Variants in TM7SF3 observed in about 807,000 individuals in gnomAD.
TM7SF3 encodes the protein seven span transmembrane protein.
Under a neutral mutation model 65.5 loss-of-function variants are expected in TM7SF3, and 60 were observed. The ratio of observed to expected loss-of-function variants is 0.92; its 90% confidence interval spans 0.74 to 1.14. The LOEUF is 1.14. TM7SF3 is among the 50% of genes most tolerant of loss of function. TM7SF3 has a pLI of 0.00. For missense variants in TM7SF3, 623 were observed against 684.8 expected (o/e 0.91, Z 1.01); for synonymous variants, 264 against 259.6 (o/e 1.02, Z -0.16).
At chr12:26,994,249 T>C (rs921781434) in intron 5 of TM7SF3, among the ~76,000 whole-genome samples, 1 of 152,298 alleles carries the variant, frequency 6.6e-6, no homozygotes, top group Non-Finnish European at 1.5e-5. Flanking sequence ...ACTCCACCCA[T>C]CAACCATTAG....
At chr12:26,998,236 G>A (rs1206271310) in intron 3 of TM7SF3, among the ~76,000 whole-genome samples, 1 of 152,064 alleles carries the variant, frequency 6.6e-6, no homozygotes, top group African/African-American at 2.4e-5. Context: ...CAGAAACAGT[G>A]CCTGACACAT....
intron 11 of TM7SF3, 66 bp from the exon 12 acceptor site, chr12:26,974,293 C>A: frequency 6.7e-7 from 1 of 1,500,330 alleles, no homozygotes; most frequent in Non-Finnish European, 9.0e-7. Context: ...AATAATACAA[C>A]CCTTCATGGA....
At chr12:26,997,457 T>C (rs543032312) in intron 3 of TM7SF3, among the ~76,000 whole-genome samples, 1 of 152,346 alleles carries the variant, frequency 6.6e-6, no homozygotes, top group Admixed American at 6.5e-5. Context: ...ACAAATGGTA[T>C]GTATGCCAGC....
Position 27,014,297 on chromosome 12 carries a change from G to A in TM7SF3, c.-129C>T, listed in dbSNP as rs922140981. The A allele has an allele frequency of 9.7e-6, 7 of 719,920 alleles. No homozygotes were observed. Among genetic ancestry groups the A allele is most frequent in the African/African-American group, 1.9e-5 (1 of 52,144 alleles). 44.6% of individuals were successfully genotyped at this position (719,920 alleles called of 1,614,324 possible). ...CGGGCGCCATCGCCCGCCAGGTGCAGACGCTTCGCACCTGCCAGCTCCGCA... is the reference window on the plus strand; with the variant it reads ...CGGGCGCCATCGCCCGCCAGGTGCAAACGCTTCGCACCTGCCAGCTCCGCA... On this transcript the variant is annotated 5_prime_UTR_variant, in exon 1 of 12. Coordinates refer to ENST00000343028, the MANE Select transcript of TM7SF3 (RefSeq NM_016551.3).
Position 27,014,183 on chromosome 12 carries a change from G to A in TM7SF3, c.-15C>T, listed in dbSNP as rs543905348. The A allele has an allele frequency of 3.2e-6, 5 of 1,552,642 alleles. No individual in the cohort carries two copies. The African/African-American group carries it at 4.1e-5, about 13-fold the overall frequency. On this transcript the variant is annotated 5_prime_UTR_variant, in exon 1 of 12. Transcript: ENST00000343028. ...AGGAACCCCATTGCTGCCTGGGCCG[G>A]GCTGGGCCCACGCCAGGGCTGGGGA...
intron 3 of TM7SF3, among the ~76,000 whole-genome samples, chr12:26,997,350 GTA>G (rs1339978467): frequency 1.3e-5 from 2 of 152,142 alleles, no homozygotes; most frequent in African/African-American, 4.8e-5. Flanking sequence ...TACACAGTGT[GTA>G]TATATGTTTC....
intron 3 of TM7SF3, among the ~76,000 whole-genome samples, chr12:26,997,848 C>T (rs1381651275): frequency 9.1e-6 from 1 of 109,312 alleles, no homozygotes; most frequent in East Asian, 2.8e-4. Context: ...TTTTTTGAGA[C>T]GGAGTCTTGC....
chr12:27,003,360 C>A lies in TM7SF3; in HGVS notation c.122G>T (p.Arg41Ile). ...GLIEFSVGKF[R>I]YFELNRPFPE... ...AAAGGGCCTATTGAGCTCGAAGTAT[C>A]TAAATTTCCCCACAGAAAATTCAAT... Residue 41 changes from arginine (R) to isoleucine (I), a missense_variant, in exon 2 of 12, where the codon AGA becomes ATA. By Grantham distance (97) the Arg-to-Ile change is moderately conservative (BLOSUM62 -3). Coordinates refer to ENST00000343028, the MANE Select transcript of TM7SF3 (RefSeq NM_016551.3). 6.2e-7 allele frequency: 1 copy of A among 1,612,556 alleles called. No individual in the cohort carries two copies.
intron 7 of TM7SF3, among the ~76,000 whole-genome samples, chr12:26,982,443 C>G (rs546564910): frequency 1.3e-5 from 2 of 152,290 alleles, no homozygotes; most frequent in Non-Finnish European, 2.9e-5. Flanking sequence ...TCCCAAAGTG[C>G]TGGGATTACA....
intron 11 of TM7SF3, among the ~76,000 whole-genome samples, chr12:26,974,872 C>T (rs1330299130): frequency 5.9e-5 from 9 of 152,168 alleles, no homozygotes; most frequent in Admixed American, 5.9e-4. Context: ...AATAAAATCA[C>T]AACAATCACA....
At position 26,998,692 on chromosome 12, in the gene TM7SF3, T is replaced by G. The variant is rs1940703492; in HGVS notation, c.397+834A>C. On this transcript the variant is annotated intron_variant, in intron 3 of 11. Coordinates refer to ENST00000343028, the MANE Select transcript of TM7SF3 (RefSeq NM_016551.3). ...TGGCCTCTGTTCAGATCCTCATTTC[T>G]CATTTTGTGCTGAGTCCTGACTCTG... Among the ~76,000 whole-genome samples, 4 of 152,200 alleles carry G rather than the reference T, an allele frequency of 2.6e-5. No homozygotes were observed. The South Asian group carries it at 8.3e-4, about 31-fold the overall frequency.
At chr12:26,987,917 C>G (rs898665611) in intron 6 of TM7SF3, among the ~76,000 whole-genome samples, 1 of 152,132 alleles carries the variant, frequency 6.6e-6, no homozygotes, top group African/African-American at 2.4e-5. Context: ...GAGAAGGACA[C>G]ATCACTTCCT....
chr12:26,986,285 C>T (rs1940097533), intron 6 of TM7SF3, among the ~76,000 whole-genome samples: 1 of 152,174 alleles, frequency 6.6e-6, no homozygotes, highest in Non-Finnish European at 1.5e-5. Flanking sequence ...AGTTCTTCAT[C>T]CTCCACCATC....
intron 7 of TM7SF3, 106 bp from the exon 8 acceptor site, chr12:26,980,752 T>C (rs1939779783): frequency 1.7e-6 from 1 of 585,556 alleles, no homozygotes; most frequent in South Asian, 2.3e-5. Context: ...AATACATGCT[T>C]AAGCTCCTGG....
intron 10 of TM7SF3, 101 bp from the exon 11 acceptor site, chr12:26,975,759 C>T: frequency 7.6e-7 from 1 of 1,318,228 alleles, no homozygotes; most frequent in Non-Finnish European, 1.0e-6. Flanking sequence ...TCTGCTCCCT[C>T]AGGCATGAAA....
At chr12:27,011,134 T>C (rs1263646557) in intron 1 of TM7SF3, among the ~76,000 whole-genome samples, 1 of 152,166 alleles carries the variant, frequency 6.6e-6, no homozygotes, top group Non-Finnish European at 1.5e-5. Context: ...AAATGTTCAA[T>C]AGCCCTAAAG....
intron 5 of TM7SF3, 116 bp downstream of exon 5, chr12:26,995,121 G>A: frequency 2.0e-6 from 2 of 1,022,492 alleles, no homozygotes; most frequent in East Asian, 2.4e-5. Flanking sequence ...AATAAAGTGA[G>A]TGTCCCCCAA....
At chr12:26,986,320 C>T (rs1409828787) in intron 6 of TM7SF3, among the ~76,000 whole-genome samples, 1 of 152,158 alleles carries the variant, frequency 6.6e-6, no homozygotes, top group African/African-American at 2.4e-5. Context: ...TGTCTGACCA[C>T]CCTGGTCTGT....
chr12:26,980,482 G>C, intron 8 of TM7SF3, 84 bp downstream of exon 8: 1 of 766,484 alleles, frequency 1.3e-6, no homozygotes, highest in Non-Finnish European at 2.3e-6. Flanking sequence ...ACACAATATA[G>C]GCCAAACTGT....
Sources: allele counts gnomAD v4.1 joint callset (sites outside exome capture counted in the v4.1 genomes callset), GRCh38; gene constraint gnomAD v4.1.1; transcripts MANE v1.5; gene names NCBI Gene and HGNC (gene_info 2026-07-23, HGNC 2026-07-21).